The following POLE2 variants were observed in gnomAD, a reference collection of about 807,000 sequenced individuals.
The protein encoded by POLE2 is DNA polymerase epsilon subunit 2.
POLE2 carries 56 observed loss-of-function variants against 79.4 expected under a neutral mutation model. That is an observed-to-expected ratio of 0.71 (90% confidence interval 0.57 to 0.88). The LOEUF is 0.88. Among genes scored for constraint, POLE2 ranks in the 40% least tolerant of loss-of-function variants. POLE2 has a pLI of 0.00. For missense variants in POLE2, 598 were observed against 638.9 expected, an observed-to-expected ratio of 0.94 and a Z score of 0.69; for synonymous variants, 212 against 214.0, an observed-to-expected ratio of 0.99 and a Z score of 0.08.
At chr14:49,671,008 G>C (rs1208111982) in intron 5 of POLE2, among the ~76,000 whole-genome samples, 1 of 152,184 alleles carries the variant, frequency 6.6e-6, no homozygotes, top group Admixed American at 6.5e-5. Context: ...CAAAGATTTT[G>C]AAGTAGGATA....
intron 6 of POLE2, among the ~76,000 whole-genome samples, chr14:49,668,741 T>A (rs1384965247): frequency 3.9e-5 from 6 of 152,144 alleles, no homozygotes; most frequent in Admixed American, 3.3e-4. Flanking sequence ...ATATAGATGA[T>A]CTTTGGTAGG....
Position 49,647,230 on chromosome 14 carries a change from T to C in POLE2, c.1565+63A>G, listed in dbSNP as rs56401548. ...AATCCCAACACACTGATAGAACATC[T>C]CATTTTCAGTAATTTAACACCTAGA... On this transcript the variant is annotated intron_variant, in intron 18 of 18. Coordinates refer to ENST00000216367, the MANE Select transcript of POLE2 (RefSeq NM_002692.4). 210 of 855,710 alleles carry C rather than the reference T, an allele frequency of 2.5e-4. 4 individuals carry two copies. The East Asian group carries it at 4.0e-3, about 16-fold the overall frequency. The allele number at this position is 855,710 out of a possible 1,614,324, so 53.0% of individuals were successfully genotyped here.
At chr14:49,661,557 A>G (rs1885101989) in intron 10 of POLE2, among the ~76,000 whole-genome samples, 1 of 152,234 alleles carries the variant, frequency 6.6e-6, no homozygotes, top group African/African-American at 2.4e-5. Context: ...CGTTTAAAAA[A>G]AAATTATTTG....
In POLE2 at chr14:49,683,642, C is replaced by T. The variant is rs1358643692; in HGVS notation, c.120G>A (p.Glu40=). The change falls in exon 2 of 19, where the codon GAG becomes GAA. Residue 40 remains glutamate (E), a synonymous_variant. Transcript: ENST00000216367. ...TTATCTTTTCCAGTTTATCTTCAAG[C>T]TCTAATTCACTGATAGACTGAAGAG... ...TEALQSISEL[E]LEDKLEKIIN... 6.3e-7 allele frequency: 1 copy of T among 1,595,630 alleles called. No individual in the cohort carries two copies. The highest frequency in any genetic ancestry group is 1.4e-5 in the African/African-American group (1 of 73,854).
intron 3 of POLE2, 92 bp downstream of exon 3, chr14:49,679,633 C>T (rs946840364): frequency 1.2e-5 from 8 of 682,812 alleles, no homozygotes; most frequent in Non-Finnish European, 1.9e-5. Context: ...ACTGTAGAAA[C>T]GTTGATCACT....
intron 5 of POLE2, among the ~76,000 whole-genome samples, chr14:49,670,091 G>C (rs929069307): frequency 3.3e-5 from 5 of 151,934 alleles, no homozygotes; most frequent in Admixed American, 3.3e-4. Context: ...CGAGGAGGGC[G>C]GATCACCTGA....
chr14:49,654,015 A>T lies in POLE2; in HGVS notation c.1186T>A (p.Ser396Thr), dbSNP rs1417554607. 6.3e-7 allele frequency: 1 copy of T among 1,594,842 alleles called. No homozygotes were observed. The highest frequency in any genetic ancestry group is 8.6e-7 in the Non-Finnish European group (1 of 1,163,356). The change falls in exon 15 of 19, where the codon TCA becomes ACA. Residue 396 changes from serine to threonine, a missense_variant. Physicochemically the swap from Ser to Thr is moderately conservative, Grantham distance 58 (BLOSUM62 1). Coordinates refer to ENST00000216367, the MANE Select transcript of POLE2 (RefSeq NM_002692.4). The stretch of plus-strand genomic sequence containing the variant: ...CTGCAAGGATTAGTAGTAAAAACTG[A>T]AAATGGTACCCTTTGTCTGAATTCA... ...TNEFRQRVPF[S>T]VFTTNPCRIQ... is the part of the protein sequence containing the mutation.
rs1886567373 is a variant in POLE2, at chr14:49,679,786, T to C, written c.184A>G (p.Ile62Val). ...VEKQPLSSNM[I>V]ERSVVEAAVQ... ...GCTGCTTCCACCACAGATCGTTCAA[T>C]CATGTTTGATGACACTGAAAAGAGA... The change falls in exon 3 of 19, where the codon ATT (isoleucine) becomes GTT (valine). Residue 62 changes from isoleucine (I) to valine (V), a missense_variant. By Grantham distance (29) the Ile-to-Val change is conservative (BLOSUM62 3). Transcript: ENST00000216367. 3 of 1,596,034 alleles carry C rather than the reference T, an allele frequency of 1.9e-6. No individual in the cohort carries two copies. Among genetic ancestry groups the C allele is most frequent in the Non-Finnish European group, 2.6e-6 (3 of 1,165,100 alleles).
chr14:49,657,501 T>G (rs1426372936), intron 10 of POLE2, among the ~76,000 whole-genome samples: 7 of 151,074 alleles, frequency 4.6e-5, no homozygotes, highest in African/African-American at 1.7e-4. Flanking sequence ...GCTGCAGCGG[T>G]GCGATCTCAG....
In POLE2 at chr14:49,655,983, A is replaced by C; in HGVS notation, c.756-140T>G. ...CTCTTTGTAACACTTTAAAAGTACAAAGGTTATCTAAATATTCTAAAACAA... is the reference window on the plus strand; with the variant it reads ...CTCTTTGTAACACTTTAAAAGTACACAGGTTATCTAAATATTCTAAAACAA... On this transcript the variant is annotated intron_variant, in intron 10 of 18. Transcript: ENST00000216367. 2 of 551,492 alleles carry C rather than the reference A, an allele frequency of 3.6e-6. 1 individual carries two copies. Among genetic ancestry groups the C allele is most frequent in the South Asian group, 5.4e-5 (2 of 36,788 alleles). 34.2% of individuals were successfully genotyped at this position (551,492 alleles called of 1,614,324 possible).
intron 1 of POLE2, among the ~76,000 whole-genome samples, chr14:49,687,540 C>G (rs1036304022): frequency 4.6e-5 from 7 of 152,122 alleles, no homozygotes; most frequent in Admixed American, 1.3e-4. Flanking sequence ...TGAGAGCTGT[C>G]CAGGTCACAA....
In POLE2 at chr14:49,654,826, G is replaced by C; in HGVS notation, c.1031C>G (p.Thr344Ser). The change falls in exon 13 of 19, where the codon ACT becomes AGT. Residue 344 changes from threonine to serine, a missense_variant. By Grantham distance (58) the Thr-to-Ser change is moderately conservative. Transcript: ENST00000216367. ...GTATTCACATATTATATCTGCCAAA[G>C]TTTTTAGGGAATCTAAAATTTTAAA... is the stretch of plus-strand genomic sequence containing the variant. Reference protein sequence around the residue: ...QVQALKDSLKTLADIICEYPD... With the variant: ...QVQALKDSLKSLADIICEYPD... The C allele has an allele frequency of 6.7e-7, 1 of 1,485,318 alleles. No homozygotes were observed. The highest frequency in any genetic ancestry group is 1.4e-5 in the South Asian group (1 of 69,488). 92.0% of individuals were successfully genotyped at this position (1,485,318 alleles called of 1,614,324 possible).
intron 2 of POLE2, among the ~76,000 whole-genome samples, chr14:49,683,307 C>T (rs1428890638): frequency 6.6e-6 from 1 of 151,982 alleles, no homozygotes; most frequent in Non-Finnish European, 1.5e-5. Context: ...GAGGCTGAGA[C>T]AAGAAAATTG....
At chr14:49,644,041 G>A (rs1367666836) in intron 18 of POLE2, among the ~76,000 whole-genome samples, 3 of 150,394 alleles carry the variant, frequency 2.0e-5, no homozygotes, top group African/African-American at 7.3e-5. Flanking sequence ...CACCATGCCT[G>A]GCTAATTTTT....
chr14:49,661,057 A>G (rs1424015360), intron 10 of POLE2, among the ~76,000 whole-genome samples: 3 of 152,092 alleles, frequency 2.0e-5, no homozygotes, highest in Non-Finnish European at 4.4e-5. Flanking sequence ...AGTAGCTGGG[A>G]CTACAACCGC....
At chr14:49,646,301 G>GTTTTTTTTTTTTTTT (rs1566522550) in intron 18 of POLE2, among the ~76,000 whole-genome samples, 5 of 90,758 alleles carry the variant, frequency 5.5e-5, no homozygotes, top group African/African-American at 2.4e-4. Context: ...TTTTTTTGTT[G>GTTTTTTTTTTTTTTT]GTTTTTTTTT....
chr14:49,676,361 G>A (rs1020878365), intron 3 of POLE2, among the ~76,000 whole-genome samples: 2 of 152,142 alleles, frequency 1.3e-5, no homozygotes, highest in African/African-American at 2.4e-5. Flanking sequence ...AACAAGTATA[G>A]AGTGGCTGAG....
chr14:49,676,311 A>T (rs1401180392), intron 3 of POLE2, among the ~76,000 whole-genome samples: 3 of 152,230 alleles, frequency 2.0e-5, no homozygotes, highest in African/African-American at 7.2e-5. Flanking sequence ...TATCTCCCAA[A>T]TTGAAAATGA....
At position 49,650,326 on chromosome 14, in the gene POLE2, A is replaced by C; in HGVS notation, c.1436T>G (p.Val479Gly). ...LRVYPVPDLL[V>G]IADKYDPFTT... is the part of the protein sequence containing the mutation. ...GAAAGGATCATATTTGTCTGCAATGACAAGTAGATCGGGCACAGGATACAC... is the reference window on the plus strand; with the variant it reads ...GAAAGGATCATATTTGTCTGCAATGCCAAGTAGATCGGGCACAGGATACAC... Residue 479 changes from valine to glycine, a missense_variant, in exon 17 of 19, where the codon GTC becomes GGC. Coordinates refer to ENST00000216367, the MANE Select transcript of POLE2 (RefSeq NM_002692.4). 1 of 1,611,464 alleles carries C rather than the reference A, an allele frequency of 6.2e-7. No individual in the cohort carries two copies. Among genetic ancestry groups the C allele is most frequent in the Non-Finnish European group, 8.5e-7 (1 of 1,178,498 alleles).
Sources: gnomAD v4.1 joint callset for allele counts (sites outside exome capture counted in the v4.1 genomes callset) on GRCh38, gnomAD v4.1.1 for gene constraint, MANE v1.5 for transcripts, NCBI Gene and HGNC (gene_info 2026-07-23, HGNC 2026-07-21) for gene names.